The following CCNB3 variants were observed in gnomAD, a reference collection of about 807,000 sequenced individuals.
CCNB3 encodes cyclin B3.
In CCNB3, 12 loss-of-function variants were observed where a neutral mutation model predicts 68.0. The observed-to-expected ratio is 0.18, with a 90% CI of 0.11 to 0.29. CCNB3 has a LOEUF of 0.29. Among genes scored for constraint, CCNB3 ranks in the 10% least tolerant of loss-of-function variants. The pLI is 1.00. For synonymous variants in CCNB3, 354 were observed against 388.9 expected (o/e 0.91, Z 1.06); for missense variants, 904 against 993.1 (o/e 0.91, Z 1.21).
chrX:50,305,426 G>C (rs1235205616), intron 5 of CCNB3, among the ~76,000 whole-genome samples: 1 of 111,105 alleles, frequency 9.0e-6, no homozygotes, highest in East Asian at 2.8e-4. Context: ...AACACCGCAT[G>C]TTCTCACTCA....
At chrX:50,312,748 A>G in intron 7 of CCNB3, 116 bp downstream of exon 7, 1 of 481,368 alleles carries the variant, frequency 2.1e-6, no homozygotes. Context: ...TAATAATAGC[A>G]ACAACTAACA....
chrX:50,325,434 A>T (rs1922243371), intron 8 of CCNB3, among the ~76,000 whole-genome samples: 1 of 112,342 alleles, frequency 8.9e-6, no homozygotes, highest in South Asian at 3.7e-4. Context: ...CAAGGTTGCC[A>T]ATCTGGTCTA....
intron 3 of CCNB3, among the ~76,000 whole-genome samples, chrX:50,286,159 T>C (rs1332942563): frequency 8.9e-6 from 1 of 112,478 alleles, no homozygotes; most frequent in Non-Finnish European, 1.9e-5. Context: ...TAACAGTTTA[T>C]TTCTTAGCTA....
chrX:50,294,859 G>T lies in CCNB3; in HGVS notation c.205-4G>T, dbSNP rs1156954022. 47 of 1,162,577 alleles carry T rather than the reference G, an allele frequency of 4.0e-5. No homozygotes were observed. In the Admixed American group the frequency reaches 4.3e-4, roughly 11 times the overall value. On this transcript the variant is annotated splice_polypyrimidine_tract_variant and splice_region_variant and intron_variant, in intron 4 of 12. Transcript: ENST00000376042. ...TGCCCCCCAACCCACCTTTTTTTTTGCAGGCTTCTCAATGTCAACCTGTCC... is the reference window on the plus strand; with the variant it reads ...TGCCCCCCAACCCACCTTTTTTTTTTCAGGCTTCTCAATGTCAACCTGTCC...
intron 1 of CCNB3, among the ~76,000 whole-genome samples, chrX:50,211,996 T>C (rs1222233880): frequency 8.9e-6 from 1 of 112,303 alleles, no homozygotes; most frequent in Middle Eastern, 4.2e-3. Flanking sequence ...CAGTAACTTC[T>C]GGTGATGTTG....
chrX:50,211,222 C>T (rs1255163734), intron 1 of CCNB3, among the ~76,000 whole-genome samples: 2 of 111,533 alleles, frequency 1.8e-5, no homozygotes, highest in Admixed American at 1.9e-4. Flanking sequence ...TAGATCACGC[C>T]ACTGCACTCC....
At chrX:50,214,496 A>ATATATATATATATATATATATATG (rs1935533896) in intron 1 of CCNB3, among the ~76,000 whole-genome samples, 2 of 68,098 alleles carry the variant, frequency 2.9e-5, no homozygotes, top group East Asian at 5.6e-4. Flanking sequence ...ATATATATAT[A>ATATATATATATATATATATATATG]TATATATATA....
intron 1 of CCNB3, among the ~76,000 whole-genome samples, chrX:50,279,176 A>T (rs1468993336): frequency 0.087 from 6 of 69 alleles, 1 homozygote; most frequent in Non-Finnish European, 0.11. Flanking sequence ...TATATATATG[A>T]ATATAATATA....
intron 9 of CCNB3, among the ~76,000 whole-genome samples, chrX:50,345,297 T>A (rs1923347190): frequency 9.2e-6 from 1 of 108,614 alleles, no homozygotes; most frequent in Admixed American, 9.9e-5. Flanking sequence ...CTTCCCTTGT[T>A]TCCTCTCTCC....
At chrX:50,318,184 G>A (rs1921830829) in intron 8 of CCNB3, among the ~76,000 whole-genome samples, 1 of 106,484 alleles carries the variant, frequency 9.4e-6, no homozygotes, top group Non-Finnish European at 1.9e-5. Context: ...TCTTAAAACT[G>A]GGTATTGTGA....
At chrX:50,295,070 T>C in intron 5 of CCNB3, 77 bp downstream of exon 5, 2 of 1,043,812 alleles carry the variant, frequency 1.9e-6, no homozygotes, top group East Asian at 3.1e-5. Context: ...ATTGAGAACA[T>C]ATTTAGCAAG....
chrX:50,212,581 C>T (rs1452799795), intron 1 of CCNB3, among the ~76,000 whole-genome samples: 1 of 111,121 alleles, frequency 9.0e-6, no homozygotes, highest in Non-Finnish European at 1.9e-5. Flanking sequence ...TCCTGTGTCA[C>T]AGAGTTGGAC....
chrX:50,337,513 C>T (rs1006407035), intron 8 of CCNB3, among the ~76,000 whole-genome samples: 5 of 111,148 alleles, frequency 4.5e-5, no homozygotes, highest in African/African-American at 1.6e-4. Flanking sequence ...ACAGGTTCCC[C>T]TGTGCCATAC....
At chrX:50,300,222 C>T (rs1936595058) in intron 5 of CCNB3, among the ~76,000 whole-genome samples, 1 of 111,566 alleles carries the variant, frequency 9.0e-6, no homozygotes, top group Admixed American at 9.5e-5. Context: ...CAGTTTCTTC[C>T]TATCCTTGAC....
Position 50,330,976 on chromosome X carries a change from A to G in CCNB3, c.3517-11226A>G, listed in dbSNP as rs782041955. Among the ~76,000 whole-genome samples the G allele has an allele frequency of 4.5e-5, 5 of 112,039 alleles. No individual in the cohort carries two copies. The South Asian group carries it at 1.9e-3, about 42-fold the overall frequency. On this transcript the variant is annotated intron_variant, in intron 8 of 12. Transcript: ENST00000376042. ...TTGGTTTTATTAGTGATTATTTCTA[A>G]GACAGCTTGTAACTATATGATTTGG...
intron 5 of CCNB3, among the ~76,000 whole-genome samples, chrX:50,297,944 G>T (rs1249644275): frequency 2.7e-5 from 3 of 111,524 alleles, no homozygotes; most frequent in African/African-American, 9.8e-5. Flanking sequence ...TCTGTTATTG[G>T]TGTATAAGAA....
intron 5 of CCNB3, among the ~76,000 whole-genome samples, chrX:50,304,086 T>C (rs1557213133): frequency 8.9e-6 from 1 of 111,737 alleles, no homozygotes; most frequent in Admixed American, 9.6e-5. Flanking sequence ...TTGAGAAAAC[T>C]AACCTTTCTT....
intron 1 of CCNB3, among the ~76,000 whole-genome samples, chrX:50,210,288 T>C (rs1399972472): frequency 8.9e-6 from 1 of 111,829 alleles, no homozygotes; most frequent in South Asian, 3.8e-4. Context: ...TTCTCTTTTC[T>C]CAGTATCTTC....
intron 1 of CCNB3, among the ~76,000 whole-genome samples, chrX:50,228,019 A>G (rs1337330598): frequency 1.2e-4 from 10 of 85,441 alleles, no homozygotes; most frequent in South Asian, 5.4e-4. Flanking sequence ...ATAAATATAT[A>G]GAGAGAATAT....
Sources: allele counts gnomAD v4.1 joint callset (sites outside exome capture counted in the v4.1 genomes callset), GRCh38; gene constraint gnomAD v4.1.1; transcripts MANE v1.5; gene names NCBI Gene and HGNC (gene_info 2026-07-23, HGNC 2026-07-21).